TMEM63A: variants seen among roughly 807,000 people sequenced by gnomAD.
The protein encoded by TMEM63A is mechanosensitive cation channel TMEM63A.
Under a neutral mutation model 100.6 loss-of-function variants are expected in TMEM63A, and 76 were observed. The observed-to-expected ratio is 0.76, with a 90% CI of 0.63 to 0.91. TMEM63A has a LOEUF of 0.91. Ranked by LOEUF, TMEM63A falls within the 40% of genes least tolerant of loss-of-function variation. TMEM63A has a pLI of 0.00. For missense variants in TMEM63A, 876 were observed against 1,008.8 expected (o/e 0.87, Z 1.78); for synonymous variants, 401 against 401.1 (o/e 1.00, Z 0.00).
At chr1:225,840,772 T>A (rs1020523126), downstream of TMEM63A, 1 of 153,398 alleles carries the variant, frequency 6.5e-6, no homozygotes, top group Non-Finnish European at 1.5e-5. Context: ...GAAGGTCTGC[T>A]AGGTAACTCC....
At chr1:225,871,701 A>G in intron 5 of TMEM63A, 1 of 400,848 alleles carries the variant, frequency 2.5e-6, no homozygotes, top group Non-Finnish European at 4.5e-6. Flanking sequence ...CAGCAAGTCC[A>G]TAATTAACTG....
At chr1:225,842,091 G>T (rs530538348), downstream of TMEM63A, among the ~76,000 whole-genome samples, 1 of 152,256 alleles carries the variant, frequency 6.6e-6, no homozygotes, top group African/African-American at 2.4e-5. Context: ...ATGCAGAGGC[G>T]TAGGCCCTTC....
chr1:225,856,647 T>C lies in TMEM63A; in HGVS notation c.1571+5A>G. ...GAATTTAGAGCAGAAGGTGGTGGCATATACCTGGTGAGACCCAGGGAGGGC... is the reference window on the plus strand; with the variant it reads ...GAATTTAGAGCAGAAGGTGGTGGCACATACCTGGTGAGACCCAGGGAGGGC... On this transcript the variant is annotated splice_donor_5th_base_variant and intron_variant, in intron 17 of 24. Coordinates refer to ENST00000366835, the MANE Select transcript of TMEM63A (RefSeq NM_014698.3). 2.5e-6 allele frequency: 4 copies of C among 1,613,350 alleles called. No individual in the cohort carries two copies. The highest frequency in any genetic ancestry group is 1.1e-5 in the South Asian group (1 of 91,000).
Position 225,877,823 on chromosome 1 carries a change from G to A in TMEM63A, c.-14-229C>T, listed in dbSNP as rs1670887790. The A allele has an allele frequency of 8.4e-6, 4 of 478,836 alleles. No homozygotes were observed. In the South Asian group the frequency reaches 1.1e-4, roughly 13 times the overall value. 29.7% of individuals were successfully genotyped at this position (478,836 alleles called of 1,614,324 possible). On this transcript the variant is annotated intron_variant, in intron 2 of 24. Transcript: ENST00000366835. ...TCTCAGGGGATCAGATGGTCAGAGT[G>A]GATGGCTCATCCAGGACACAGTGGG...
chr1:225,872,147 C>T, intron 4 of TMEM63A, 94 bp from the exon 5 acceptor site: 1 of 886,612 alleles, frequency 1.1e-6, no homozygotes, highest in East Asian at 2.6e-5. Context: ...ATTTTGCTGC[C>T]TCTTGGAGCT....
chr1:225,872,279 A>G (rs1341311290), intron 4 of TMEM63A, among the ~76,000 whole-genome samples: 1 of 152,230 alleles, frequency 6.6e-6, no homozygotes. Flanking sequence ...TACGGGATGA[A>G]TAGCAAGGGG....
intron 3 of TMEM63A, 78 bp from the exon 4 acceptor site, chr1:225,874,445 GCC>G: frequency 1.6e-6 from 2 of 1,268,368 alleles, no homozygotes; most frequent in Non-Finnish European, 2.2e-6. Context: ...CAGGGGTAAA[GCC>G]CACCTGCCCG....
At chr1:225,881,001 C>T (rs931746608) in intron 1 of TMEM63A, among the ~76,000 whole-genome samples, 1 of 152,220 alleles carries the variant, frequency 6.6e-6, no homozygotes, top group Non-Finnish European at 1.5e-5. Flanking sequence ...AGCGAAACTA[C>T]AAGCAGCTCC....
At chr1:225,872,374 T>C (rs1670551770) in intron 4 of TMEM63A, among the ~76,000 whole-genome samples, 1 of 152,196 alleles carries the variant, frequency 6.6e-6, no homozygotes. Flanking sequence ...TTTCCCTATA[T>C]TATCAAATAA....
intron 17 of TMEM63A, 106 bp downstream of exon 17, chr1:225,856,544 TTG>T: frequency 9.1e-7 from 1 of 1,095,588 alleles, no homozygotes. Context: ...GGCTTAGATA[TTG>T]TTAGAGGTTT....
chr1:225,870,137 G>C (rs1358426187), intron 6 of TMEM63A, among the ~76,000 whole-genome samples: 1 of 151,918 alleles, frequency 6.6e-6, no homozygotes, highest in East Asian at 2.0e-4. Context: ...ATCACCTGAG[G>C]TCGGGAGTTG....
chr1:225,866,788 C>G (rs1222754950), intron 8 of TMEM63A, 106 bp from the exon 9 acceptor site: 12 of 969,258 alleles, frequency 1.2e-5, no homozygotes, highest in African/African-American at 6.4e-5. Flanking sequence ...TGAGGACCAA[C>G]AGCTTCACTG....
downstream of TMEM63A, chr1:225,842,528 C>T (rs1668516311): frequency 4.1e-6 from 5 of 1,230,714 alleles, no homozygotes; most frequent in African/African-American, 1.5e-5. Flanking sequence ...CAGCCAACCT[C>T]CTCACCCTCT....
rs182983197 is a variant in TMEM63A at position 225,845,850 on chromosome 1, G to A, written c.*1089C>T. ...ATAAGCCCAGGCCCCCCAGGCCAGC[G>A]GACAGGCACAGGCAGGGCCTACAGA... On this transcript the variant is annotated 3_prime_UTR_variant, in exon 25 of 25. Coordinates refer to ENST00000366835, the MANE Select transcript of TMEM63A (RefSeq NM_014698.3). 14 of 222,104 alleles carry A rather than the reference G, an allele frequency of 6.3e-5. No homozygotes were observed. The highest frequency in any genetic ancestry group is 9.1e-5 in the African/African-American group (4 of 43,746). 13.8% of individuals were successfully genotyped at this position (222,104 alleles called of 1,614,324 possible).
At chr1:225,843,634 G>GC (rs1485391676), downstream of TMEM63A, among the ~76,000 whole-genome samples, 1 of 152,196 alleles carries the variant, frequency 6.6e-6, no homozygotes, top group Non-Finnish European at 1.5e-5. Context: ...TGCAGCTCTG[G>GC]CCCCGGGTTA....
At chr1:225,856,879 G>A (rs1669647846) in intron 16 of TMEM63A, 32 bp downstream of exon 16, 2 of 1,603,034 alleles carry the variant, frequency 1.2e-6, no homozygotes, top group South Asian at 2.2e-5. Context: ...ATCCTTCTTA[G>A]GGGCAGGGCC....
chr1:225,877,212 G>C (rs939398006), intron 3 of TMEM63A, among the ~76,000 whole-genome samples, 183 bp downstream of exon 3: 1 of 152,186 alleles, frequency 6.6e-6, no homozygotes, highest in Non-Finnish European at 1.5e-5. Context: ...TCCATTTCCG[G>C]AGCAGAAAGG....
In TMEM63A at chr1:225,867,007, AC is replaced by A; in HGVS notation, c.566+104del. On this transcript the variant is annotated intron_variant, in intron 8 of 24. Transcript: ENST00000366835. This position sits in a 1 kb window ranked among gnomAD's most constrained non-coding sequence, Gnocchi z 4.6. ...CACTAGCTGCAAGGGGCCTTCAGAT[AC>A]CAGCCGGCCCCCTTTGGAGTACCTC... 8.4e-7 allele frequency: 1 copy of A among 1,186,840 alleles called. No homozygotes were observed. The highest frequency in any genetic ancestry group is 1.3e-6 in the Non-Finnish European group (1 of 792,760). 73.5% of individuals were successfully genotyped at this position (1,186,840 alleles called of 1,614,324 possible).
chr1:225,877,917 T>A (rs1189831152), intron 2 of TMEM63A, among the ~76,000 whole-genome samples: 1 of 152,082 alleles, frequency 6.6e-6, no homozygotes, highest in East Asian at 1.9e-4. Context: ...TCTTAAGAAG[T>A]CCTAAAGTTC....
Sources: allele counts gnomAD v4.1 joint callset (sites outside exome capture counted in the v4.1 genomes callset), GRCh38; gene constraint gnomAD v4.1.1; non-coding constraint Gnocchi (gnomAD v3.1); transcripts MANE v1.5; gene names NCBI Gene and HGNC (gene_info 2026-07-23, HGNC 2026-07-21).